NAALADL2: variants seen among roughly 807,000 people sequenced by gnomAD.
NAALADL2 encodes the protein N-acetylated alpha-linked acidic dipeptidase like 2, also known as inactive N-acetylated-alpha-linked acidic dipeptidase-like protein 2.
A neutral mutation model predicts 87.2 loss-of-function variants in NAALADL2; 76 were observed. The ratio of observed to expected loss-of-function variants is 0.87; its 90% CI spans 0.72 to 1.05. The LOEUF is 1.05. NAALADL2 is among the 50% of genes least tolerant of loss of function. The pLI, the probability that NAALADL2 is intolerant of heterozygous loss-of-function variation, is 0.00. For synonymous variants in NAALADL2, 354 were observed against 331.0 expected, an observed-to-expected ratio of 1.07 and a Z score of -0.75; for missense variants, 1,089 against 945.8, an observed-to-expected ratio of 1.15 and a Z score of -1.99.
intron 9 of NAALADL2, among the ~76,000 whole-genome samples, chr3:175,573,474 T>C (rs1463650829): frequency 6.6e-6 from 1 of 152,240 alleles, no homozygotes; most frequent in Non-Finnish European, 1.5e-5. Flanking sequence ...TAAATCTGAA[T>C]GAGTAGAGCA....
At chr3:174,513,803 A>G (rs1250954435) in intron 1 of NAALADL2, among the ~76,000 whole-genome samples, 1 of 152,200 alleles carries the variant, frequency 6.6e-6, no homozygotes, top group Non-Finnish European at 1.5e-5. Flanking sequence ...TCATTGTAGG[A>G]CTAACAAAGA....
At chr3:175,420,466 T>C (rs888384554) in intron 5 of NAALADL2, among the ~76,000 whole-genome samples, 20 of 152,176 alleles carry the variant, frequency 1.3e-4, no homozygotes, top group African/African-American at 4.6e-4. Flanking sequence ...GGTAAGGTGA[T>C]AGACCTACAG....
At chr3:175,596,467 T>G (rs892392958) in intron 10 of NAALADL2, among the ~76,000 whole-genome samples, 1 of 151,976 alleles carries the variant, frequency 6.6e-6, no homozygotes, top group African/African-American at 2.4e-5. Context: ...TAGACTATTA[T>G]CACTATGACA....
intron 1 of NAALADL2, among the ~76,000 whole-genome samples, chr3:174,915,747 A>G (rs753879293): frequency 6.6e-6 from 1 of 152,174 alleles, no homozygotes; most frequent in Non-Finnish European, 1.5e-5. Flanking sequence ...GTTAAATTGT[A>G]TATTAAATAC....
At chr3:175,543,138 C>T (rs1445814187) in intron 9 of NAALADL2, among the ~76,000 whole-genome samples, 1 of 152,134 alleles carries the variant, frequency 6.6e-6, no homozygotes, top group Non-Finnish European at 1.5e-5. Flanking sequence ...TTCTTATCCA[C>T]CTAATACCCT....
intron 1 of NAALADL2, among the ~76,000 whole-genome samples, chr3:175,058,256 A>G (rs997496404): frequency 1.1e-4 from 16 of 152,358 alleles, no homozygotes; most frequent in African/African-American, 3.1e-4. Context: ...AGAGAGAACA[A>G]TCACCCATAG....
At chr3:174,912,875 T>C (rs775177849) in intron 1 of NAALADL2, among the ~76,000 whole-genome samples, 2 of 152,210 alleles carry the variant, frequency 1.3e-5, no homozygotes, top group African/African-American at 2.4e-5. Context: ...TGGAATTAGA[T>C]ACTAATGATT....
At chr3:175,337,887 T>C (rs1762156301) in intron 5 of NAALADL2, among the ~76,000 whole-genome samples, 2 of 152,210 alleles carry the variant, frequency 1.3e-5, no homozygotes, top group African/African-American at 4.8e-5. Context: ...GTAAGTAACC[T>C]GTTTTGGTTA....
intron 1 of NAALADL2, among the ~76,000 whole-genome samples, chr3:174,457,974 A>C (rs932313597): frequency 6.6e-6 from 1 of 152,132 alleles, no homozygotes; most frequent in Non-Finnish European, 1.5e-5. Context: ...AATGACAGAC[A>C]CGTGGGCCTA....
intron 11 of NAALADL2, among the ~76,000 whole-genome samples, chr3:175,731,182 C>A (rs548464733): frequency 6.6e-6 from 1 of 152,234 alleles, no homozygotes; most frequent in South Asian, 2.1e-4. Flanking sequence ...GCCTTCAAAT[C>A]AATGACACTT....
chr3:175,622,464 G>A (rs995938398), intron 10 of NAALADL2, among the ~76,000 whole-genome samples: 1 of 151,920 alleles, frequency 6.6e-6, no homozygotes, highest in Non-Finnish European at 1.5e-5. Context: ...TTTTTGTTTT[G>A]CAATTTCTAT....
intron 9 of NAALADL2, among the ~76,000 whole-genome samples, chr3:175,511,554 A>G (rs976120156): frequency 6.6e-6 from 1 of 152,226 alleles, no homozygotes; most frequent in Non-Finnish European, 1.5e-5. Context: ...TTGGACGACT[A>G]GTCTCCAAAA....
chr3:175,533,313 C>A (rs1734351806), intron 9 of NAALADL2, among the ~76,000 whole-genome samples: 1 of 152,230 alleles, frequency 6.6e-6, no homozygotes, highest in Admixed American at 6.5e-5. Flanking sequence ...CACACAATCA[C>A]CCTTGCCCCT....
chr3:175,054,783 G>A (rs957119443), intron 1 of NAALADL2, among the ~76,000 whole-genome samples: 3 of 152,084 alleles, frequency 2.0e-5, no homozygotes, highest in Non-Finnish European at 4.4e-5. Context: ...CCCCTAACAG[G>A]GACATACCCC....
chr3:174,511,377 T>C (rs1028410097), intron 1 of NAALADL2, among the ~76,000 whole-genome samples: 1 of 152,056 alleles, frequency 6.6e-6, no homozygotes, highest in Non-Finnish European at 1.5e-5. Context: ...TATTATGTTC[T>C]CCTGATGAAT....
chr3:174,600,091 A>C (rs1405282176), intron 2 of NAALADL2, among the ~76,000 whole-genome samples: 4 of 152,112 alleles, frequency 2.6e-5, no homozygotes, highest in Non-Finnish European at 5.9e-5. Flanking sequence ...TTTCAAAAAA[A>C]ACTAATCCTT....
chr3:174,569,884 T>C (rs1714722895), intron 2 of NAALADL2, among the ~76,000 whole-genome samples: 1 of 152,062 alleles, frequency 6.6e-6, no homozygotes, highest in Admixed American at 6.6e-5. Flanking sequence ...TATGAACTAC[T>C]TATTATTAGG....
chr3:174,892,921 C>CAAAA (rs35081771), intron 1 of NAALADL2, among the ~76,000 whole-genome samples: 218 of 108,518 alleles, frequency 2.0e-3, no homozygotes, highest in African/African-American at 6.9e-3. Context: ...GACTCCAACT[C>CAAAA]AAAAAAAAAA....
intron 9 of NAALADL2, among the ~76,000 whole-genome samples, chr3:175,550,202 T>TA (rs1714112246): frequency 6.6e-6 from 1 of 152,112 alleles, no homozygotes; most frequent in African/African-American, 2.4e-5. Context: ...GGTCAGAAAA[T>TA]ATACTGTCAA....
Sources: allele counts gnomAD v4.1 joint callset (sites outside exome capture counted in the v4.1 genomes callset), GRCh38; gene constraint gnomAD v4.1.1; transcripts MANE v1.5; gene names NCBI Gene and HGNC (gene_info 2026-07-23, HGNC 2026-07-21).